Variants in SLC14A2 observed in about 807,000 individuals in gnomAD.
SLC14A2 encodes solute carrier family 14 member 2.
A neutral mutation model predicts 104.6 loss-of-function variants in SLC14A2; 91 were observed. The ratio of observed to expected loss-of-function variants is 0.87; its 90% CI spans 0.73 to 1.04. The LOEUF (loss-of-function observed/expected upper bound fraction) is 1.04, where lower values mean the gene tolerates loss of function less well. Among genes scored for constraint, SLC14A2 ranks in the 50% least tolerant of loss-of-function variants. The pLI is 0.00. For missense variants in SLC14A2, 1,189 were observed against 1,156.0 expected, an observed-to-expected ratio of 1.03 and a Z score of -0.41; for synonymous variants, 476 against 466.4, an observed-to-expected ratio of 1.02 and a Z score of -0.27.
rs1184624515 is a variant in SLC14A2, at chr18:45,378,487, A to C, written c.-124-104746A>C. Among the ~76,000 whole-genome samples the C allele has an allele frequency of 2.0e-5, 3 of 152,336 alleles. No individual in the cohort carries two copies. The East Asian group carries it at 5.8e-4, about 29-fold the overall frequency. On this transcript the variant is annotated intron_variant, in intron 1 of 20. Coordinates refer to the SLC14A2 transcript ENST00000586448. Reference sequence around the variant, plus strand: ...TTTTTCTTTACAACTGTGAGATGACATGATAGAGGCAAGTGATTCAGCAGA... The same window carrying C: ...TTTTTCTTTACAACTGTGAGATGACCTGATAGAGGCAAGTGATTCAGCAGA...
intron 2 of SLC14A2, among the ~76,000 whole-genome samples, chr18:45,527,344 A>T (rs2043608317): frequency 1.3e-5 from 2 of 152,174 alleles, no homozygotes; most frequent in Non-Finnish European, 2.9e-5. Context: ...TGCCTTTATG[A>T]TCCCATTTTT....
chr18:45,262,290 A>T (rs2084547406), intron 1 of SLC14A2, among the ~76,000 whole-genome samples: 1 of 152,184 alleles, frequency 6.6e-6, no homozygotes, highest in Non-Finnish European at 1.5e-5. Context: ...GGAAATTATG[A>T]CACAGCTGGT....
chr18:45,382,207 G>C (rs929201035), intron 1 of SLC14A2, among the ~76,000 whole-genome samples: 2 of 152,156 alleles, frequency 1.3e-5, no homozygotes, highest in Admixed American at 6.5e-5. Flanking sequence ...CTGCCATATA[G>C]GGTCATTCTC....
chr18:45,663,393 C>T (rs145774887), intron 10 of SLC14A2, among the ~76,000 whole-genome samples: 12 of 152,300 alleles, frequency 7.9e-5, no homozygotes, highest in Non-Finnish European at 1.6e-4. Flanking sequence ...TTTTTTAAAG[C>T]ACCTGGGTGA....
chr18:45,392,800 T>C (rs1310235981), intron 1 of SLC14A2, among the ~76,000 whole-genome samples: 2 of 152,248 alleles, frequency 1.3e-5, no homozygotes, highest in African/African-American at 4.8e-5. Context: ...TTAATCTATG[T>C]TCTTTTTAAC....
intron 2 of SLC14A2, among the ~76,000 whole-genome samples, chr18:45,548,660 T>C (rs1226038878): frequency 6.6e-6 from 1 of 152,184 alleles, no homozygotes; most frequent in Non-Finnish European, 1.5e-5. Flanking sequence ...TCTATCATCA[T>C]GCCACTGCAC....
At chr18:45,457,069 T>C (rs1247484671) in intron 1 of SLC14A2, among the ~76,000 whole-genome samples, 1 of 151,512 alleles carries the variant, frequency 6.6e-6, no homozygotes, top group Non-Finnish European at 1.5e-5. Flanking sequence ...CAATACAAAT[T>C]AAAAAAAAAT....
chr18:45,482,439 C>G (rs1421134727), intron 1 of SLC14A2: 4 of 152,178 alleles, frequency 2.6e-5, no homozygotes, highest in African/African-American at 4.8e-5. Context: ...TAACTCCATC[C>G]TCTGACTCAG....
chr18:45,653,261 T>C (rs2045771276), intron 10 of SLC14A2, among the ~76,000 whole-genome samples: 1 of 152,038 alleles, frequency 6.6e-6, no homozygotes, highest in Non-Finnish European at 1.5e-5. Flanking sequence ...CCTGCTGGGC[T>C]CCTCCCACCC....
chr18:45,606,069 CG>C (rs1402732397), intron 2 of SLC14A2, among the ~76,000 whole-genome samples: 1 of 151,920 alleles, frequency 6.6e-6, no homozygotes, highest in African/African-American at 2.4e-5. Context: ...CAGCTGGAGG[CG>C]GGGAGGTGAT....
chr18:45,668,200 A>G (rs757047019), intron 14 of SLC14A2, 149 bp from the exon 15 acceptor site: 5 of 1,167,656 alleles, frequency 4.3e-6, no homozygotes, highest in African/African-American at 1.5e-5. Context: ...AAGGATTCAT[A>G]GGGTTGTCTT....
intron 1 of SLC14A2, among the ~76,000 whole-genome samples, chr18:45,471,526 A>G (rs2087248334): frequency 6.6e-6 from 1 of 152,202 alleles, no homozygotes; most frequent in African/African-American, 2.4e-5. Context: ...TTCTTCAAAT[A>G]CTACATTTAT....
At chr18:45,191,940 G>T in the SLC14A2 span, among the ~76,000 whole-genome samples, 1 of 152,298 alleles carries the variant, frequency 6.6e-6, no homozygotes. Context: ...TGGTATATTT[G>T]ATGAACTGTT....
Position 45,667,775 on chromosome 18 carries a change from C to T in SLC14A2, c.1718-58C>T, listed in dbSNP as rs2046051878. The T allele has an allele frequency of 8.3e-6, 12 of 1,444,102 alleles. No homozygotes were observed. The South Asian group carries it at 1.4e-4, about 17-fold the overall frequency. The allele number at this position is 1,444,102 out of a possible 1,614,324, so 89.5% of individuals were successfully genotyped here. On this transcript the variant is annotated intron_variant, in intron 13 of 19. Transcript: ENST00000255226. ...AGATTCCCTCACACCCTCCATCTGC[C>T]CACCCAGGGCTGCCCACACTGAGCA...
intron 1 of SLC14A2, among the ~76,000 whole-genome samples, chr18:45,344,911 C>T (rs2085432538): frequency 6.6e-6 from 1 of 152,206 alleles, no homozygotes; most frequent in Non-Finnish European, 1.5e-5. Context: ...AATTATCCAG[C>T]ATGCAGAGCT....
At chr18:45,453,188 C>T (rs2086884873) in intron 1 of SLC14A2, among the ~76,000 whole-genome samples, 1 of 152,186 alleles carries the variant, frequency 6.6e-6, no homozygotes. Context: ...GCCCAGCCCT[C>T]AAATTCCAAG....
chr18:45,653,434 C>A lies in SLC14A2; in HGVS notation c.1351+9274C>A, dbSNP rs1462510379. On this transcript the variant is annotated intron_variant, in intron 10 of 19. Transcript: ENST00000255226. ...TCAGAGTGAGGTTTTGCTTCTGAAC[C>A]TGGGTAGGCTGCCTCACACCCCACC... Among the ~76,000 whole-genome samples, 5 of 152,096 alleles carry A rather than the reference C, an allele frequency of 3.3e-5. No individual in the cohort carries two copies. The East Asian group carries it at 9.6e-4, about 29-fold the overall frequency.
intron 7 of SLC14A2, 76 bp downstream of exon 7, chr18:45,639,969 C>A: frequency 7.5e-7 from 1 of 1,335,638 alleles, no homozygotes; most frequent in Non-Finnish European, 1.0e-6. Flanking sequence ...TACAGCAAAT[C>A]TTCCAGACAT....
At chr18:45,284,431 G>A (rs2084793308) in intron 1 of SLC14A2, among the ~76,000 whole-genome samples, 1 of 152,076 alleles carries the variant, frequency 6.6e-6, no homozygotes, top group Non-Finnish European at 1.5e-5. Context: ...GCAATGTTTT[G>A]GCAGGCGCTG....
Sources: gnomAD v4.1 joint callset for allele counts (sites outside exome capture counted in the v4.1 genomes callset) on GRCh38, gnomAD v4.1.1 for gene constraint, MANE v1.5 for transcripts, NCBI Gene and HGNC (gene_info 2026-07-23, HGNC 2026-07-21) for gene names.